Variants in ADGB observed in about 807,000 individuals in gnomAD.
ADGB encodes the protein calpain-7-like protein.
A neutral mutation model predicts 210.5 loss-of-function variants in ADGB; 172 were observed. The observed-to-expected ratio is 0.82, with a 90% CI of 0.72 to 0.93. ADGB has a LOEUF of 0.93. Ranked by LOEUF, ADGB falls within the 40% of genes least tolerant of loss-of-function variation. The probability of loss-of-function intolerance (pLI) is 0.00; values close to 1 mark genes in which losing one functional copy is unlikely to be tolerated. For synonymous variants in ADGB, 658 were observed against 662.7 expected, an observed-to-expected ratio of 0.99 and a Z score of 0.11; for missense variants, 2,025 against 1,964.8, an observed-to-expected ratio of 1.03 and a Z score of -0.58.
intron 14 of ADGB, among the ~76,000 whole-genome samples, chr6:146,716,587 G>A (rs1776738325): frequency 1.1e-5 from 1 of 91,500 alleles, no homozygotes; most frequent in Admixed American, 1.6e-4. Context: ...GCGACAGAGC[G>A]AGACTCCGTC....
At chr6:146,777,534 GGAAACTTGT>G (rs1180060963) in intron 29 of ADGB, among the ~76,000 whole-genome samples, 1 of 152,072 alleles carries the variant, frequency 6.6e-6, no homozygotes, top group African/African-American at 2.4e-5. Context: ...AGCACCATCT[GGAAACTTGT>G]GAAAAATGTA....
chr6:146,662,110 A>G (rs1179271390), intron 5 of ADGB, among the ~76,000 whole-genome samples: 3 of 152,026 alleles, frequency 2.0e-5, no homozygotes, highest in Non-Finnish European at 4.4e-5. Context: ...CTGGCTGTAG[A>G]ATTCTTTAAG....
At chr6:146,655,811 T>C (rs1054678193) in intron 4 of ADGB, among the ~76,000 whole-genome samples, 4 of 152,182 alleles carry the variant, frequency 2.6e-5, no homozygotes, top group African/African-American at 9.6e-5. Flanking sequence ...ATATCTGTTT[T>C]GTCTTTTTCT....
Position 146,711,523 on chromosome 6 carries a change from T to G in ADGB, c.1708-3859T>G, listed in dbSNP as rs1011772309. On this transcript the variant is annotated intron_variant, in intron 13 of 35. Coordinates refer to ENST00000397944, the MANE Select transcript of ADGB (RefSeq NM_024694.4). ...TTCATGGTTTAAACCCTAATTTTAGTGTAGCACATCTTCCAGTACTTCCTA... is the reference window on the plus strand; with the variant it reads ...TTCATGGTTTAAACCCTAATTTTAGGGTAGCACATCTTCCAGTACTTCCTA... Among the ~76,000 whole-genome samples the G allele has an allele frequency of 4.5e-4, 68 of 152,258 alleles. No individual in the cohort carries two copies. The East Asian group carries it at 8.5e-3, about 19-fold the overall frequency.
chr6:146,713,044 T>C (rs1051398927), intron 13 of ADGB, among the ~76,000 whole-genome samples: 3 of 152,226 alleles, frequency 2.0e-5, no homozygotes, highest in African/African-American at 7.2e-5. Flanking sequence ...TTTGGCATAA[T>C]GTTAATGTTC....
At chr6:146,686,573 T>C (rs935589236) in intron 10 of ADGB, among the ~76,000 whole-genome samples, 2 of 152,150 alleles carry the variant, frequency 1.3e-5, no homozygotes, top group Non-Finnish European at 2.9e-5. Context: ...TCAATATGTT[T>C]AGTGCTTGCG....
At chr6:146,732,578 TA>T (rs10668448) in intron 20 of ADGB, among the ~76,000 whole-genome samples, 45 of 148,588 alleles carry the variant, frequency 3.0e-4, no homozygotes, top group Middle Eastern at 3.4e-3. Context: ...GCTATTTTGG[TA>T]AAAAAAAAAA....
chr6:146,760,205 A>C (rs1276572901), intron 27 of ADGB, among the ~76,000 whole-genome samples: 1 of 151,824 alleles, frequency 6.6e-6, no homozygotes, highest in East Asian at 1.9e-4. Flanking sequence ...CACACCCCTA[A>C]CAAGGTATCA....
At chr6:146,664,724 A>G (rs1775915432) in intron 6 of ADGB, among the ~76,000 whole-genome samples, 1 of 152,106 alleles carries the variant, frequency 6.6e-6, no homozygotes, top group African/African-American at 2.4e-5. Context: ...TAGGTTCTGT[A>G]TATGCAGCAA....
intron 2 of ADGB, among the ~76,000 whole-genome samples, chr6:146,640,533 T>C (rs1206440196): frequency 1.3e-5 from 2 of 152,056 alleles, no homozygotes; most frequent in Admixed American, 6.6e-5. Context: ...GCAAATTGAA[T>C]CCAGCAGCAC....
intron 27 of ADGB, among the ~76,000 whole-genome samples, chr6:146,760,446 T>C (rs1403273532): frequency 2.2e-5 from 2 of 88,930 alleles, no homozygotes; most frequent in Non-Finnish European, 5.0e-5. Context: ...TCTATTTCTA[T>C]CTATGTTTCT....
chr6:146,620,600 G>A (rs150693361), intron 1 of ADGB, among the ~76,000 whole-genome samples: 73 of 151,784 alleles, frequency 4.8e-4, no homozygotes, highest in Admixed American at 1.1e-3. Context: ...TTTCAGGTCA[G>A]TTATTTTATT....
intron 20 of ADGB, among the ~76,000 whole-genome samples, chr6:146,731,623 TC>T (rs1442961337): frequency 6.6e-6 from 1 of 152,190 alleles, no homozygotes; most frequent in African/African-American, 2.4e-5. Context: ...GACTAAATTC[TC>T]CCTGCTCCCT....
chr6:146,802,455 C>T (rs933038866), intron 35 of ADGB: 23 of 194,934 alleles, frequency 1.2e-4, no homozygotes, highest in African/African-American at 4.9e-4. Context: ...TATTTTTTCA[C>T]ATAGTATAAA....
At chr6:146,683,430 G>A (rs578096310) in intron 9 of ADGB, among the ~76,000 whole-genome samples, 19 of 152,146 alleles carry the variant, frequency 1.2e-4, no homozygotes, top group Admixed American at 1.1e-3. Context: ...CCAGTATAGT[G>A]ATACCAATAT....
intron 10 of ADGB, among the ~76,000 whole-genome samples, chr6:146,690,487 G>T (rs1460453758): frequency 1.3e-5 from 2 of 152,112 alleles, no homozygotes; most frequent in African/African-American, 2.4e-5. Flanking sequence ...TTGTTCAGCC[G>T]TAAATCAGTA....
intron 35 of ADGB, among the ~76,000 whole-genome samples, chr6:146,805,268 C>T (rs1778194893): frequency 1.3e-5 from 2 of 152,154 alleles, no homozygotes; most frequent in South Asian, 4.1e-4. Context: ...CACATGGTCA[C>T]ATACAACTTC....
chr6:146,782,073 A>C lies in ADGB; in HGVS notation c.3916A>C (p.Thr1306Pro). 6.5e-7 allele frequency: 1 copy of C among 1,541,364 alleles called. No homozygotes were observed. The highest frequency in any genetic ancestry group is 8.7e-7 in the Non-Finnish European group (1 of 1,143,520). Residue 1306 changes from threonine (T) to proline (P), a missense_variant, in exon 30 of 36, where the codon ACT (threonine) becomes CCT (proline). Thr to Pro is a conservative substitution (Grantham distance 38). Coordinates refer to ENST00000397944, the MANE Select transcript of ADGB (RefSeq NM_024694.4). ...TAACTTAGGAAGCCCAGACTCCCAC[A>C]CTATTAGTGAGGGACAAAAATCTTC... Reference protein sequence around the residue: ...LINLGSPDSHTISEGQKSSVT... With the variant: ...LINLGSPDSHPISEGQKSSVT...
At chr6:146,813,189 C>G (rs201383400) in intron 35 of ADGB, among the ~76,000 whole-genome samples, 1 of 152,142 alleles carries the variant, frequency 6.6e-6, no homozygotes, top group East Asian at 1.9e-4. Context: ...TTTTCTCTTG[C>G]GGTAATCTGA....
Sources: allele counts gnomAD v4.1 joint callset (sites outside exome capture counted in the v4.1 genomes callset), GRCh38; gene constraint gnomAD v4.1.1; transcripts MANE v1.5; gene names NCBI Gene and HGNC (gene_info 2026-07-23, HGNC 2026-07-21).